STPG2: variants seen among roughly 807,000 people sequenced by gnomAD.
STPG2 encodes sperm-tail PG-rich repeat-containing protein 2.
STPG2 carries 56 observed loss-of-function variants against 54.2 expected under a neutral mutation model. The ratio of observed to expected loss-of-function variants is 1.03; its 90% confidence interval spans 0.83 to 1.29. The LOEUF (loss-of-function observed/expected upper bound fraction) is 1.29. STPG2 is among the 50% of genes most tolerant of loss of function. The probability of loss-of-function intolerance (pLI) is 0.00; values close to 1 mark genes in which losing one functional copy is unlikely to be tolerated. For missense variants in STPG2, 596 were observed against 544.9 expected (o/e 1.09, Z -0.93); for synonymous variants, 200 against 181.8 (o/e 1.10, Z -0.81).
intron 4 of STPG2, among the ~76,000 whole-genome samples, chr4:97,552,905 AG>A (rs1331785535): frequency 6.6e-6 from 1 of 152,176 alleles, no homozygotes; most frequent in East Asian, 1.9e-4. Context: ...CTGAGTCCTG[AG>A]AAAGATCAAG....
Position 98,100,805 on chromosome 4 carries a change from A to G in STPG2, c.612+5148T>C, listed in dbSNP as rs373636076. Among the ~76,000 whole-genome samples, 31 of 150,800 alleles carry G rather than the reference A, an allele frequency of 2.1e-4. 1 individual carries two copies. The South Asian group carries it at 6.0e-3, about 29-fold the overall frequency. ...ATTCTCGTGCCTCAGCCTCCTGAGT[A>G]TCTGGGATTACAGGCACGTGCCACC... On this transcript the variant is annotated intron_variant, in intron 5 of 10. Transcript: ENST00000295268.
chr4:97,735,630 T>C (rs756310809), intron 9 of STPG2, among the ~76,000 whole-genome samples: 1 of 149,100 alleles, frequency 6.7e-6, no homozygotes, highest in African/African-American at 2.4e-5. Flanking sequence ...CATATATATA[T>C]ACACACACAT....
At chr4:98,115,169 C>T (rs933535786) in intron 3 of STPG2, among the ~76,000 whole-genome samples, 17 of 151,848 alleles carry the variant, frequency 1.1e-4, no homozygotes, top group East Asian at 1.9e-4. Context: ...TGCAACTTTC[C>T]CCCATGTCTT....
At chr4:97,466,955 A>G (rs1477873051) in intron 4 of STPG2, among the ~76,000 whole-genome samples, 1 of 152,032 alleles carries the variant, frequency 6.6e-6, no homozygotes, top group East Asian at 1.9e-4. Context: ...TTAGCACCCA[A>G]GCTACTATAG....
chr4:98,139,971 G>T (rs549076593), intron 1 of STPG2, among the ~76,000 whole-genome samples: 41 of 152,318 alleles, frequency 2.7e-4, no homozygotes, highest in African/African-American at 8.9e-4. Flanking sequence ...CCCTCAAGCA[G>T]CTCACATTTT....
chr4:97,915,471 T>C (rs932772313), intron 8 of STPG2, among the ~76,000 whole-genome samples: 8 of 152,152 alleles, frequency 5.3e-5, no homozygotes, highest in Admixed American at 4.6e-4. Context: ...GAGGCCTGTG[T>C]TCATTCCACT....
At chr4:97,675,450 C>A (rs1014387401) in intron 10 of STPG2, among the ~76,000 whole-genome samples, 3 of 151,984 alleles carry the variant, frequency 2.0e-5, no homozygotes, top group Non-Finnish European at 1.5e-5. Flanking sequence ...GGGGCAAAGT[C>A]CAAAAGGAAA....
intron 10 of STPG2, among the ~76,000 whole-genome samples, chr4:97,712,409 G>A (rs2149007711): frequency 1.3e-5 from 2 of 152,116 alleles, no homozygotes; most frequent in East Asian, 1.9e-4. Context: ...ATACAAACAA[G>A]TATGTAAGCA....
At chr4:97,840,260 C>A (rs534419400) in intron 9 of STPG2, among the ~76,000 whole-genome samples, 5 of 151,336 alleles carry the variant, frequency 3.3e-5, no homozygotes, top group Non-Finnish European at 5.9e-5. Flanking sequence ...GTGCCTTTCT[C>A]CTCTAACAAC....
At chr4:97,891,270 T>C (rs969249103) in intron 8 of STPG2, among the ~76,000 whole-genome samples, 11 of 152,076 alleles carry the variant, frequency 7.2e-5, no homozygotes, top group African/African-American at 2.4e-4. Context: ...CATAAGTTCT[T>C]AAAAATAAGT....
intron 9 of STPG2, among the ~76,000 whole-genome samples, chr4:97,758,445 A>C (rs192541127): frequency 4.6e-4 from 70 of 152,338 alleles, no homozygotes; most frequent in African/African-American, 1.6e-3. Context: ...TGCAGTCATA[A>C]AAAAGAATCA....
chr4:98,025,880 G>A, intron 5 of STPG2: 1 of 1,597,014 alleles, frequency 6.3e-7, no homozygotes. Flanking sequence ...CCTGAAGGGA[G>A]CTGTGGATGG....
intron 9 of STPG2, among the ~76,000 whole-genome samples, chr4:97,833,807 G>T (rs1257633723): frequency 6.6e-6 from 1 of 152,140 alleles, no homozygotes; most frequent in Non-Finnish European, 1.5e-5. Context: ...AAACCACAAT[G>T]AGATACCATC....
At chr4:97,766,365 C>A (rs1726052998) in intron 9 of STPG2, among the ~76,000 whole-genome samples, 1 of 151,750 alleles carries the variant, frequency 6.6e-6, no homozygotes, top group East Asian at 1.9e-4. Context: ...ACATGTTATT[C>A]CCAAAGATTT....
intron 10 of STPG2, among the ~76,000 whole-genome samples, chr4:97,704,038 T>C (rs1409887099): frequency 6.6e-6 from 1 of 151,962 alleles, no homozygotes; most frequent in Non-Finnish European, 1.5e-5. Flanking sequence ...TCTGCCTGCT[T>C]TATATTCTAG....
Position 97,890,357 on chromosome 4 carries a change from T to A in STPG2, c.1045-49425A>T, listed in dbSNP as rs182097889. 3.8e-3 allele frequency among the ~76,000 whole-genome samples: 577 copies of A among 152,004 alleles called. 4 individuals carry two copies. Among genetic ancestry groups the A allele is most frequent in the African/African-American group, 0.013 (519 of 41,478 alleles). ...CTTGCCAACACCAAATTTAAAAAAA[T>A]TTTTTTTAAATTATTTTGTAAAAGA... is the stretch of plus-strand genomic sequence containing the variant. On this transcript the variant is annotated intron_variant, in intron 8 of 10. Transcript: ENST00000295268.
rs183214254 is a variant in STPG2, at chr4:97,908,177, A to T, written c.1044+35720T>A. ...GAACTCAAACAAATTTACAAGAAAA[A>T]AACAACCCCATCAAAAAGTGGGCAA... is the stretch of plus-strand genomic sequence containing the variant. On this transcript the variant is annotated intron_variant, in intron 8 of 10. Transcript: ENST00000295268. Among the ~76,000 whole-genome samples, 393 of 152,234 alleles carry T rather than the reference A, an allele frequency of 2.6e-3. 3 individuals are homozygous for T. The highest frequency in any genetic ancestry group is 8.8e-3 in the African/African-American group (367 of 41,546).
intron 10 of STPG2, among the ~76,000 whole-genome samples, chr4:97,638,339 C>A (rs1217442912): frequency 6.6e-6 from 1 of 151,874 alleles, no homozygotes; most frequent in Non-Finnish European, 1.5e-5. Context: ...ATACAAAAAT[C>A]AATTCAAGAT....
chr4:97,501,211 G>A (rs1730717877), intron 4 of STPG2, among the ~76,000 whole-genome samples: 1 of 152,080 alleles, frequency 6.6e-6, no homozygotes, highest in Non-Finnish European at 1.5e-5. Flanking sequence ...AAATATAGTA[G>A]TGTAGAGAAA....
Sources: gnomAD v4.1 joint callset for allele counts (sites outside exome capture counted in the v4.1 genomes callset) on GRCh38, gnomAD v4.1.1 for gene constraint, MANE v1.5 for transcripts, NCBI Gene and HGNC (gene_info 2026-07-23, HGNC 2026-07-21) for gene names.